The following GLI2 variants were observed in gnomAD, a reference collection of about 807,000 sequenced individuals.
GLI2 encodes the protein GLI family zinc finger 2.
A neutral mutation model predicts 78.9 loss-of-function variants in GLI2; 22 were observed. The observed-to-expected ratio is 0.28, with a 90% CI of 0.20 to 0.40. The LOEUF (loss-of-function observed/expected upper bound fraction) is 0.40, where lower values mean the gene tolerates loss of function less well. GLI2 is among the 10% of genes least tolerant of loss of function. GLI2 has a pLI of 1.00. For missense variants in GLI2, 2,097 were observed against 2,213.2 expected (o/e 0.95, Z 1.05); for synonymous variants, 974 against 963.7 (o/e 1.01, Z -0.20).
intron 12 of GLI2, 27 bp downstream of exon 12, chr2:120,984,770 C>T (rs368806474): frequency 2.9e-5 from 46 of 1,609,252 alleles, no homozygotes; most frequent in Admixed American, 6.7e-5. Context: ...AGCCCAGCCA[C>T]GCAAGGCGAC....
intron 1 of GLI2, among the ~76,000 whole-genome samples, chr2:120,775,503 C>A (rs959754215): frequency 6.6e-6 from 1 of 152,130 alleles, no homozygotes; most frequent in African/African-American, 2.4e-5. Flanking sequence ...CCCTTCCTGG[C>A]GTTTGAAAGA....
Position 120,972,053 on chromosome 2 carries a change from C to T in GLI2, c.1172C>T (p.Ala391Val), listed in dbSNP as rs1452917426. 6.2e-6 allele frequency: 10 copies of T among 1,613,086 alleles called. No individual in the cohort carries two copies. The South Asian group carries it at 6.6e-5, about 11-fold the overall frequency. The change falls in exon 8 of 14, where the codon GCG becomes GTG. Residue 391 changes from alanine to valine, a missense_variant. Transcript: ENST00000361492. Reference protein sequence around the residue: ...PEGLRPASPLALTQEQLADLK... With the variant: ...PEGLRPASPLVLTQEQLADLK... ...GGCCTGCGGCCGGCCTCCCCTCTGG[C>T]GCTGACGCAGGTAACCTGCTGCCAG...
intron 3 of GLI2, among the ~76,000 whole-genome samples, chr2:120,942,861 CTTTCAT>C (rs1553469969): frequency 1.1e-4 from 1 of 9,170 alleles, no homozygotes; most frequent in Non-Finnish European, 3.7e-3. Context: ...TTCACGCCCT[CTTTCAT>C]TCATTCATTC....
At chr2:120,782,866 G>C (rs909490718) in intron 1 of GLI2, among the ~76,000 whole-genome samples, 1 of 152,232 alleles carries the variant, frequency 6.6e-6, no homozygotes, top group Admixed American at 6.5e-5. Context: ...AACTGCTGCT[G>C]TAGAGGATTC....
Position 120,874,671 on chromosome 2 carries a change from G to T in GLI2, c.149-52690G>T, listed in dbSNP as rs144130710. 3.0e-3 allele frequency among the ~76,000 whole-genome samples: 450 copies of T among 152,324 alleles called. 1 individual carries two copies. Among genetic ancestry groups the T allele is most frequent in the African/African-American group, 0.01 (435 of 41,570 alleles). ...TTTTCTCGGGGCTGAAATATAGCACGCTAATGAGGTATCTCTCTGCTCAGG... is the reference window on the plus strand; with the variant it reads ...TTTTCTCGGGGCTGAAATATAGCACTCTAATGAGGTATCTCTCTGCTCAGG... On this transcript the variant is annotated intron_variant, in intron 2 of 13. Coordinates refer to ENST00000361492, the MANE Select transcript of GLI2 (RefSeq NM_001374353.1).
At chr2:120,785,322 AG>A (rs1683968972) in intron 1 of GLI2, among the ~76,000 whole-genome samples, 1 of 152,184 alleles carries the variant, frequency 6.6e-6, no homozygotes. Flanking sequence ...AGCTGAAGGC[AG>A]GGCACTCCTG....
chr2:120,838,795 C>T (rs1558825921), intron 2 of GLI2, among the ~76,000 whole-genome samples: 1 of 152,178 alleles, frequency 6.6e-6, no homozygotes, highest in Non-Finnish European at 1.5e-5. Context: ...CATTGTGTTA[C>T]AGTTGCCTAC....
chr2:120,950,008 C>T (rs1462565577), intron 3 of GLI2, among the ~76,000 whole-genome samples: 1 of 152,208 alleles, frequency 6.6e-6, no homozygotes, highest in Non-Finnish European at 1.5e-5. Context: ...TTGGGAGGGC[C>T]TCCCGGGCAA....
At chr2:120,928,553 G>A (rs761292482) in intron 3 of GLI2, among the ~76,000 whole-genome samples, 1 of 152,180 alleles carries the variant, frequency 6.6e-6, no homozygotes, top group Non-Finnish European at 1.5e-5. Context: ...CTCGCTGAGT[G>A]GAGAGCCTCT....
At chr2:120,883,833 G>T (rs1677269004) in intron 2 of GLI2, among the ~76,000 whole-genome samples, 1 of 152,182 alleles carries the variant, frequency 6.6e-6, no homozygotes, top group Non-Finnish European at 1.5e-5. Context: ...GAGTGGGAGA[G>T]TCGGAGAGGT....
chr2:120,798,043 G>A (rs748561103), intron 2 of GLI2, among the ~76,000 whole-genome samples: 8 of 152,170 alleles, frequency 5.3e-5, no homozygotes, highest in East Asian at 3.9e-4. Flanking sequence ...CCAGCATCCC[G>A]TTGGGAAAGT....
At chr2:120,961,595 G>A (rs4625911) in intron 5 of GLI2, among the ~76,000 whole-genome samples, 119,630 of 152,138 alleles carry the variant, frequency 0.79, 51,960 homozygotes, top group East Asian at 1. Context: ...GCAACTCTGA[G>A]CCTCGCTGCT....
chr2:120,886,379 C>G, intron 2 of GLI2, among the ~76,000 whole-genome samples: 1 of 152,098 alleles, frequency 6.6e-6, no homozygotes, highest in Non-Finnish European at 1.5e-5. Flanking sequence ...GATTCTCCCA[C>G]CTCAGCCACT....
chr2:120,889,477 T>C (rs1021700223), intron 2 of GLI2, among the ~76,000 whole-genome samples: 4 of 152,200 alleles, frequency 2.6e-5, no homozygotes, highest in African/African-American at 7.2e-5. Context: ...AAAGGAATGA[T>C]TGACACATTG....
intron 2 of GLI2, among the ~76,000 whole-genome samples, chr2:120,830,121 G>A (rs1429065405): frequency 1.3e-5 from 2 of 152,136 alleles, no homozygotes; most frequent in Non-Finnish European, 2.9e-5. Flanking sequence ...CTTTCTAACC[G>A]GCCACAAGAC....
intron 2 of GLI2, among the ~76,000 whole-genome samples, chr2:120,898,607 A>G (rs1678096122): frequency 6.6e-6 from 1 of 151,998 alleles, no homozygotes; most frequent in East Asian, 1.9e-4. Flanking sequence ...GGTGGCAAGG[A>G]GTATCTGTGT....
At chr2:120,893,110 A>C (rs1386772949) in intron 2 of GLI2, among the ~76,000 whole-genome samples, 1 of 152,248 alleles carries the variant, frequency 6.6e-6, no homozygotes, top group Admixed American at 6.5e-5. Context: ...ATCTTGCCAC[A>C]GCCTTCTCAA....
intron 1 of GLI2, among the ~76,000 whole-genome samples, chr2:120,750,932 C>T (rs1037897522): frequency 6.6e-6 from 1 of 152,258 alleles, no homozygotes; most frequent in African/African-American, 2.4e-5. Flanking sequence ...GCCCCGGTAC[C>T]GCCTGCCTCT....
chr2:120,834,340 GC>G (rs1375626398), intron 2 of GLI2, among the ~76,000 whole-genome samples: 1 of 152,214 alleles, frequency 6.6e-6, no homozygotes, highest in Non-Finnish European at 1.5e-5. Context: ...AGGGCCAGAA[GC>G]TTAGGGTTGG....
Sources: allele counts gnomAD v4.1 joint callset (sites outside exome capture counted in the v4.1 genomes callset), GRCh38; gene constraint gnomAD v4.1.1; transcripts MANE v1.5; gene names NCBI Gene and HGNC (gene_info 2026-07-23, HGNC 2026-07-21).